Variants in CNTN6 observed in about 807,000 individuals in gnomAD.
CNTN6 encodes the protein contactin 6, also known as contactin-6.
A neutral mutation model predicts 122.8 loss-of-function variants in CNTN6; 137 were observed. The ratio of observed to expected loss-of-function variants is 1.12; its 90% CI spans 0.97 to 1.29. The LOEUF is 1.29. Ranked by LOEUF, CNTN6 falls within the 50% of genes most tolerant of loss-of-function variation. The pLI, the probability that CNTN6 is intolerant of heterozygous loss-of-function variation, is 0.00. For synonymous variants in CNTN6, 570 were observed against 426.0 expected (o/e 1.34, Z -4.16); for missense variants, 1,634 against 1,223.4 (o/e 1.34, Z -5.01).
chr3:1,150,031 T>G (rs1415399234), intron 2 of CNTN6, among the ~76,000 whole-genome samples: 2 of 151,626 alleles, frequency 1.3e-5, no homozygotes, highest in Non-Finnish European at 2.9e-5. Context: ...GGTGCACAAT[T>G]TCATTGTGAA....
chr3:1,340,030 G>A (rs140365744), intron 11 of CNTN6, among the ~76,000 whole-genome samples: 275 of 152,072 alleles, frequency 1.8e-3, no homozygotes, highest in East Asian at 5.6e-3. Flanking sequence ...ACATCATTTC[G>A]TTAAATTTTT....
At chr3:1,121,517 G>C (rs2091949284) in intron 1 of CNTN6, among the ~76,000 whole-genome samples, 1 of 151,796 alleles carries the variant, frequency 6.6e-6, no homozygotes, top group Admixed American at 6.6e-5. Flanking sequence ...TTAAGTAAGA[G>C]TTAAAAATAT....
intron 1 of CNTN6, among the ~76,000 whole-genome samples, chr3:1,111,672 G>A (rs914885766): frequency 6.6e-6 from 1 of 152,090 alleles, no homozygotes; most frequent in African/African-American, 2.4e-5. Context: ...CTGAGTGTGA[G>A]GTAGTTTCAT....
At chr3:1,242,678 C>T (rs947196790) in intron 4 of CNTN6, among the ~76,000 whole-genome samples, 12 of 152,008 alleles carry the variant, frequency 7.9e-5, no homozygotes, top group African/African-American at 1.7e-4. Flanking sequence ...GAGAGGAAGA[C>T]GCGAAGGAGG....
Position 1,373,590 on chromosome 3 carries a change from A to G in CNTN6, c.1787-14A>G. On this transcript the variant is annotated splice_polypyrimidine_tract_variant and intron_variant, in intron 14 of 22. Coordinates refer to ENST00000446702, the MANE Select transcript of CNTN6 (RefSeq NM_001289080.2). Reference sequence around the variant, plus strand: ...GTATCTCCAATGGAGTCATGATAAAACATTTTTTTCAAGGTCCACCAGGTC... The same window carrying G: ...GTATCTCCAATGGAGTCATGATAAAGCATTTTTTTCAAGGTCCACCAGGTC... 8.1e-6 allele frequency: 13 copies of G among 1,609,188 alleles called. No individual in the cohort carries two copies. Among genetic ancestry groups the G allele is most frequent in the Non-Finnish European group, 1.1e-5 (13 of 1,177,910 alleles).
chr3:1,185,296 T>TA (rs2093612837), intron 2 of CNTN6, among the ~76,000 whole-genome samples: 1 of 152,178 alleles, frequency 6.6e-6, no homozygotes, highest in Non-Finnish European at 1.5e-5. Context: ...TTTTTACACT[T>TA]AGAGATTCTT....
chr3:1,248,782 T>G (rs1559607534), intron 4 of CNTN6, among the ~76,000 whole-genome samples: 1 of 151,948 alleles, frequency 6.6e-6, no homozygotes, highest in East Asian at 1.9e-4. Flanking sequence ...ATCGTGCCAT[T>G]GCACTCCAGC....
intron 4 of CNTN6, among the ~76,000 whole-genome samples, chr3:1,235,771 C>T (rs773242344): frequency 2.6e-5 from 4 of 152,072 alleles, no homozygotes; most frequent in Non-Finnish European, 4.4e-5. Flanking sequence ...AACTGTGAGT[C>T]GGCTTGCTTT....
chr3:1,262,690 A>G (rs972537504), intron 4 of CNTN6, among the ~76,000 whole-genome samples: 1 of 152,144 alleles, frequency 6.6e-6, no homozygotes, highest in Non-Finnish European at 1.5e-5. Flanking sequence ...TATAGGTCAT[A>G]CTTTTTGGGA....
chr3:1,241,703 T>C (rs1184007040), intron 4 of CNTN6, among the ~76,000 whole-genome samples: 2 of 151,922 alleles, frequency 1.3e-5, no homozygotes, highest in Non-Finnish European at 2.9e-5. Context: ...CCAGGCCAGA[T>C]TGATTTAGGT....
At chr3:1,233,061 G>A (rs1451010195) in intron 4 of CNTN6, among the ~76,000 whole-genome samples, 1 of 152,134 alleles carries the variant, frequency 6.6e-6, no homozygotes. Flanking sequence ...CTAATTTGGA[G>A]CCACTTATAA....
intron 2 of CNTN6, among the ~76,000 whole-genome samples, chr3:1,166,492 G>C (rs2093251571): frequency 6.6e-6 from 1 of 152,164 alleles, no homozygotes; most frequent in Admixed American, 6.5e-5. Flanking sequence ...CTAAGATACA[G>C]ATTAAAATTT....
At position 1,243,285 on chromosome 3, in the gene CNTN6, A is replaced by G. The variant is rs938260164; in HGVS notation, c.358+15292A>G. Among the ~76,000 whole-genome samples, 1,178 of 151,648 alleles carry G rather than the reference A, an allele frequency of 7.8e-3. 14 individuals are homozygous for G. Among genetic ancestry groups the G allele is most frequent in the African/African-American group, 0.025 (1,049 of 41,292 alleles). Reference sequence around the variant, plus strand: ...TGGCACTTGTAGCAAGCTCCTGGGGAAGGAGGTTCTGGGGGAACGCCTGGC... The same window carrying G: ...TGGCACTTGTAGCAAGCTCCTGGGGGAGGAGGTTCTGGGGGAACGCCTGGC... On this transcript the variant is annotated intron_variant, in intron 4 of 22. Transcript: ENST00000446702.
At chr3:1,290,662 TAGC>T (rs1201400456) in intron 5 of CNTN6, among the ~76,000 whole-genome samples, 2 of 152,228 alleles carry the variant, frequency 1.3e-5, no homozygotes, top group African/African-American at 4.8e-5. Flanking sequence ...TCCATAGACA[TAGC>T]AGCCCTGAGG....
intron 7 of CNTN6, among the ~76,000 whole-genome samples, chr3:1,307,652 T>G (rs1397767333): frequency 6.6e-6 from 1 of 152,132 alleles, no homozygotes; most frequent in Non-Finnish European, 1.5e-5. Flanking sequence ...ACATCGAGTT[T>G]TCTTGTCTCA....
At chr3:1,120,565 A>G (rs188600588) in intron 1 of CNTN6, among the ~76,000 whole-genome samples, 189 of 151,916 alleles carry the variant, frequency 1.2e-3, no homozygotes, top group African/African-American at 4.4e-3. Context: ...TTTAGACACA[A>G]CCTTCTATCA....
intron 4 of CNTN6, among the ~76,000 whole-genome samples, chr3:1,260,664 G>T (rs1222139197): frequency 1.3e-5 from 2 of 152,020 alleles, no homozygotes; most frequent in African/African-American, 4.8e-5. Context: ...TTGGGGGAGG[G>T]ATCCTGTGGG....
chr3:1,394,147 C>G, intron 20 of CNTN6: 1 of 186,388 alleles, frequency 5.4e-6, no homozygotes, highest in Non-Finnish European at 1.1e-5. Context: ...GCCCAGGCCT[C>G]AGCTACATAG....
chr3:1,269,739 G>C (rs954657352), intron 4 of CNTN6, among the ~76,000 whole-genome samples: 7 of 151,860 alleles, frequency 4.6e-5, no homozygotes, highest in Admixed American at 4.6e-4. Context: ...TTAAGTGCTG[G>C]GCTGTTAGGG....
Sources: allele counts gnomAD v4.1 joint callset (sites outside exome capture counted in the v4.1 genomes callset), GRCh38; gene constraint gnomAD v4.1.1; transcripts MANE v1.5; gene names NCBI Gene and HGNC (gene_info 2026-07-23, HGNC 2026-07-21).